Variants in MCTP1 observed in about 807,000 individuals in gnomAD.
MCTP1 encodes multiple C2 and transmembrane domain containing 1.
In MCTP1, 69 loss-of-function variants were observed where a neutral mutation model predicts 120.6. The observed-to-expected ratio is 0.57, with a 90% CI of 0.47 to 0.70. The LOEUF (loss-of-function observed/expected upper bound fraction) is 0.70. MCTP1 is among the 30% of genes least tolerant of loss of function. MCTP1 has a pLI of 0.00. For missense variants in MCTP1, 1,203 were observed against 1,248.8 expected (o/e 0.96, Z 0.55); for synonymous variants, 529 against 493.1 (o/e 1.07, Z -0.96).
At chr5:94,819,126 C>T (rs1462502094) in intron 17 of MCTP1, among the ~76,000 whole-genome samples, 42 of 140,482 alleles carry the variant, frequency 3.0e-4, no homozygotes, top group Admixed American at 7.8e-4. Context: ...TTTATTCATT[C>T]ATTCATTCTT....
At chr5:95,249,226 A>G (rs1486436026) in intron 1 of MCTP1, among the ~76,000 whole-genome samples, 1 of 152,218 alleles carries the variant, frequency 6.6e-6, no homozygotes, top group Non-Finnish European at 1.5e-5. Context: ...TGAACAGGCA[A>G]CCTACAGAAT....
At chr5:94,798,028 A>T (rs570493550) in intron 18 of MCTP1, among the ~76,000 whole-genome samples, 7 of 152,018 alleles carry the variant, frequency 4.6e-5, no homozygotes, top group Non-Finnish European at 8.8e-5. Flanking sequence ...TTATGGGCAC[A>T]GTAGTAGGCA....
At chr5:94,816,709 T>C (rs1784540900) in intron 17 of MCTP1, among the ~76,000 whole-genome samples, 1 of 152,124 alleles carries the variant, frequency 6.6e-6, no homozygotes, top group Non-Finnish European at 1.5e-5. Context: ...TCATGTGCCA[T>C]AGCAATCATT....
intron 10 of MCTP1, among the ~76,000 whole-genome samples, chr5:94,906,314 T>C (rs1311183058): frequency 6.6e-6 from 1 of 152,074 alleles, no homozygotes; most frequent in African/African-American, 2.4e-5. Flanking sequence ...GGCAAAACGC[T>C]GCCTCTACCA....
chr5:95,154,044 A>T (rs1211049721), intron 1 of MCTP1, among the ~76,000 whole-genome samples: 10 of 152,222 alleles, frequency 6.6e-5, no homozygotes, highest in Admixed American at 6.5e-4. Flanking sequence ...CTTTATGATA[A>T]AATACATTTT....
At chr5:95,224,403 C>T (rs1181154953) in intron 1 of MCTP1, among the ~76,000 whole-genome samples, 1 of 152,052 alleles carries the variant, frequency 6.6e-6, no homozygotes, top group Non-Finnish European at 1.5e-5. Flanking sequence ...AGTACTCTAA[C>T]ACATCCCAAA....
rs74458875 is a variant in MCTP1, at chr5:94,727,165, A to G, written c.2611-12279T>C. ...AGATTTGTTGATATATTCTAAGGCTAGCATAGACAAAACAGCACAGGAAAG... is the reference window on the plus strand; with the variant it reads ...AGATTTGTTGATATATTCTAAGGCTGGCATAGACAAAACAGCACAGGAAAG... On this transcript the variant is annotated intron_variant, in intron 19 of 22. Transcript: ENST00000515393. Among the ~76,000 whole-genome samples the G allele has an allele frequency of 4.4e-3, 663 of 152,326 alleles. 1 individual carries two copies. Among genetic ancestry groups the G allele is most frequent in the Middle Eastern group, 6.8e-3 (2 of 294 alleles).
At chr5:94,792,217 AG>A (rs1779136472) in intron 18 of MCTP1, 1 of 153,300 alleles carries the variant, frequency 6.5e-6, no homozygotes, top group South Asian at 2.1e-4. Context: ...GCCAAGTTCC[AG>A]ACCCTGCCTG....
intron 1 of MCTP1, among the ~76,000 whole-genome samples, chr5:95,086,158 CAAT>C (rs1485402503): frequency 6.6e-6 from 1 of 151,884 alleles, no homozygotes; most frequent in Non-Finnish European, 1.5e-5. Context: ...GCATTACCAA[CAAT>C]AATGTTAGAT....
At chr5:94,831,616 T>G (rs1788530966) in intron 17 of MCTP1, among the ~76,000 whole-genome samples, 1 of 152,230 alleles carries the variant, frequency 6.6e-6, no homozygotes, top group Non-Finnish European at 1.5e-5. Flanking sequence ...GTGTTCCATC[T>G]TGTCTCCAGG....
At chr5:95,168,630 G>A (rs1031895466) in intron 1 of MCTP1, among the ~76,000 whole-genome samples, 6 of 152,176 alleles carry the variant, frequency 3.9e-5, no homozygotes, top group African/African-American at 1.4e-4. Context: ...CTTGTAAGGT[G>A]GATTCCTAGG....
chr5:94,967,081 C>T (rs1464731821), intron 2 of MCTP1, among the ~76,000 whole-genome samples: 1 of 152,146 alleles, frequency 6.6e-6, no homozygotes, highest in Non-Finnish European at 1.5e-5. Context: ...AATACTGATA[C>T]AACTTTTAGT....
At chr5:94,722,140 G>C (rs1745445818) in intron 19 of MCTP1, among the ~76,000 whole-genome samples, 1 of 152,064 alleles carries the variant, frequency 6.6e-6, no homozygotes, top group Admixed American at 6.5e-5. Context: ...CTACCACCTA[G>C]TTTTGAGATA....
chr5:94,955,441 G>C (rs974045688), intron 2 of MCTP1, among the ~76,000 whole-genome samples: 1 of 152,172 alleles, frequency 6.6e-6, no homozygotes, highest in African/African-American at 2.4e-5. Flanking sequence ...TGGTAAGGGG[G>C]CTAAAGCCAG....
intron 1 of MCTP1, among the ~76,000 whole-genome samples, chr5:95,198,077 G>A (rs958136899): frequency 2.6e-5 from 4 of 151,940 alleles, no homozygotes; most frequent in East Asian, 1.9e-4. Flanking sequence ...TCACAGATGC[G>A]GAATCCACGG....
At chr5:94,731,835 T>C (rs185025346) in intron 19 of MCTP1, among the ~76,000 whole-genome samples, 16 of 152,368 alleles carry the variant, frequency 1.1e-4, no homozygotes, top group African/African-American at 3.8e-4. Flanking sequence ...TATTATTCAC[T>C]TTATTAATCT....
chr5:95,260,615 G>GTATA (rs890628404), intron 1 of MCTP1, among the ~76,000 whole-genome samples: 1 of 151,804 alleles, frequency 6.6e-6, no homozygotes, highest in Admixed American at 6.6e-5. Context: ...ATATGTGTGT[G>GTATA]TATATATATA....
At chr5:95,086,366 T>C (rs1388988503) in intron 1 of MCTP1, among the ~76,000 whole-genome samples, 1 of 152,172 alleles carries the variant, frequency 6.6e-6, no homozygotes, top group African/African-American at 2.4e-5. Flanking sequence ...ATGATGATGA[T>C]GATGAAATGG....
At chr5:94,838,852 A>C (rs961316479) in intron 17 of MCTP1, among the ~76,000 whole-genome samples, 1 of 152,176 alleles carries the variant, frequency 6.6e-6, no homozygotes. Context: ...GATGCTGGGC[A>C]AGGAGGATGA....
Sources: gnomAD v4.1 joint callset for allele counts (sites outside exome capture counted in the v4.1 genomes callset) on GRCh38, gnomAD v4.1.1 for gene constraint, MANE v1.5 for transcripts, NCBI Gene and HGNC (gene_info 2026-07-23, HGNC 2026-07-21) for gene names.